RIPOR1: variants seen among roughly 807,000 people sequenced by gnomAD.
The protein encoded by RIPOR1 is rho family-interacting cell polarization regulator 1.
A neutral mutation model predicts 116.5 loss-of-function variants in RIPOR1; 58 were observed. That is an observed-to-expected ratio of 0.50 (90% CI 0.40 to 0.62). The LOEUF is 0.62. Ranked by LOEUF, RIPOR1 falls within the 20% of genes least tolerant of loss-of-function variation. The pLI, the probability that RIPOR1 is intolerant of heterozygous loss-of-function variation, is 0.00. For missense variants in RIPOR1, 1,372 were observed against 1,586.2 expected, an observed-to-expected ratio of 0.86 and a Z score of 2.29; for synonymous variants, 605 against 650.0, an observed-to-expected ratio of 0.93 and a Z score of 1.05.
Position 67,537,333 on chromosome 16 carries a change from C to T in RIPOR1, c.-23-1091C>T. 1 of 1,195,860 alleles carries T rather than the reference C, an allele frequency of 8.4e-7. No individual in the cohort carries two copies. The highest frequency in any genetic ancestry group is 1.0e-6 in the Non-Finnish European group (1 of 956,950). The allele number at this position is 1,195,860 out of a possible 1,614,324, so 74.1% of individuals were successfully genotyped here. A position where few individuals can be genotyped will look rare whatever the true frequency, so the allele number is the denominator to read the frequency against. ...ATCCCTTTACGCACATTGCTGACCCCAGCTGAGCAGACCCCTCGCCCCCCG... is the reference window on the plus strand; with the variant it reads ...ATCCCTTTACGCACATTGCTGACCCTAGCTGAGCAGACCCCTCGCCCCCCG... On this transcript the variant is annotated intron_variant, in intron 1 of 21. Transcript: ENST00000042381. The surrounding 1 kb of genome is among the most constrained non-coding windows in gnomAD (Gnocchi z 4.6).
In RIPOR1 at chr16:67,546,011, C is replaced by T. The variant is rs2051154283; in HGVS notation, c.3450C>T (p.Cys1150=). 6.2e-7 allele frequency: 1 copy of T among 1,613,358 alleles called. No individual in the cohort carries two copies. Among genetic ancestry groups the T allele is most frequent in the Admixed American group, 1.7e-5 (1 of 60,010 alleles). ...DEDVQTRVAG[C]LALGCIKAPE... ...ACGTGCAGACTCGAGTGGCTGGCTG[C>T]CTGGCCCTAGGCTGCATCAAGGTGA... is the stretch of plus-strand genomic sequence containing the variant. Residue 1150 remains cysteine (C), a synonymous_variant, in exon 20 of 22, where the codon TGC becomes TGT. Transcript: ENST00000042381.
intron 1 of RIPOR1, among the ~76,000 whole-genome samples, chr16:67,520,397 A>AAAGG (rs773515982): frequency 2.1e-5 from 3 of 143,342 alleles, no homozygotes; most frequent in South Asian, 2.1e-4. Context: ...AAAGAAAAGA[A>AAAGG]AAGGAAGGAA....
At position 67,530,032 on chromosome 16, in the gene RIPOR1, C is replaced by T. The variant is rs2050614369; in HGVS notation, c.-24+1118C>T. The T allele has an allele frequency of 1.6e-6, 1 of 639,218 alleles. No homozygotes were observed. Among genetic ancestry groups the T allele is most frequent in the Non-Finnish European group, 2.8e-6 (1 of 352,822 alleles). The allele number at this position is 639,218 out of a possible 1,614,324, so 39.6% of individuals were successfully genotyped here. On this transcript the variant is annotated intron_variant, in intron 1 of 21. Coordinates refer to ENST00000042381, the MANE Select transcript of RIPOR1 (RefSeq NM_024519.4). This position sits in a 1 kb window ranked among gnomAD's most constrained non-coding sequence, Gnocchi z 4.5. ...ACAAGGAGGACTGGCATAGCTCCTTCTTCCACCGCCCTCTCCGGCTTGGGT... is the reference window on the plus strand; with the variant it reads ...ACAAGGAGGACTGGCATAGCTCCTTTTTCCACCGCCCTCTCCGGCTTGGGT...
Position 67,541,258 on chromosome 16 carries a change from C to A in RIPOR1, c.802-172C>A. ...ATTTTTTTTTTTTTTTTTTTTGAGA[C>A]AGAGTCTTGCCATGTTGCCCAAGCT... On this transcript the variant is annotated intron_variant, in intron 10 of 21. Coordinates refer to ENST00000042381, the MANE Select transcript of RIPOR1 (RefSeq NM_024519.4). The surrounding 1 kb of genome is among the most constrained non-coding windows in gnomAD (Gnocchi z 4.6). The A allele has an allele frequency of 7.9e-5, 38 of 481,278 alleles. No homozygotes were observed. Among genetic ancestry groups the A allele is most frequent in the Non-Finnish European group, 1.0e-4 (28 of 279,994 alleles). 29.8% of individuals were successfully genotyped at this position (481,278 alleles called of 1,614,324 possible).
Position 67,544,879 on chromosome 16 carries a change from C to A in RIPOR1, c.2869+49C>A, listed in dbSNP as rs778355306. The A allele has an allele frequency of 6.3e-7, 1 of 1,596,672 alleles. No homozygotes were observed. The highest frequency in any genetic ancestry group is 8.6e-7 in the Non-Finnish European group (1 of 1,168,382). On this transcript the variant is annotated intron_variant, in intron 16 of 21. Transcript: ENST00000042381. This position sits in a 1 kb window ranked among gnomAD's most constrained non-coding sequence, Gnocchi z 5.1. Reference sequence around the variant, plus strand: ...TCTGCCATCTGCCTTGAAGCTCCTACCTCAGCCTACTGCCATCTGCATGCT... The same window carrying A: ...TCTGCCATCTGCCTTGAAGCTCCTAACTCAGCCTACTGCCATCTGCATGCT...
At chr16:67,534,430 A>C (rs2142466892) in intron 1 of RIPOR1, among the ~76,000 whole-genome samples, 1 of 152,316 alleles carries the variant, frequency 6.6e-6, no homozygotes, top group South Asian at 2.1e-4. Flanking sequence ...ACATTTTGTA[A>C]TTATTTACAA....
chr16:67,541,236 T>A lies in RIPOR1; in HGVS notation c.802-194T>A. The A allele has an allele frequency of 1.1e-4, 39 of 368,244 alleles. No individual in the cohort carries two copies. Among genetic ancestry groups the A allele is most frequent in the Non-Finnish European group, 1.6e-4 (34 of 214,440 alleles). 22.8% of individuals were successfully genotyped at this position (368,244 alleles called of 1,614,324 possible). ...GCACCACCATGCCTGGCTAAAAATT[T>A]TTTTTTTTTTTTTTTTTGAGACAGA... On this transcript the variant is annotated intron_variant, in intron 10 of 21. Transcript: ENST00000042381. This position sits in a 1 kb window ranked among gnomAD's most constrained non-coding sequence, Gnocchi z 4.6.
In RIPOR1 at chr16:67,529,850, GC is replaced by G; in HGVS notation, c.-24+939del. 1 of 1,528,660 alleles carries G rather than the reference GC, an allele frequency of 6.5e-7. No homozygotes were observed. Among genetic ancestry groups the G allele is most frequent in the Non-Finnish European group, 8.8e-7 (1 of 1,140,076 alleles). The allele number at this position is 1,528,660 out of a possible 1,614,324, so 94.7% of individuals were successfully genotyped here. ...GACCATCTGGCAGATGCAGAAACAG[GC>G]CCAGAGAGGTTAGTAGTATTCTCAA... is the stretch of plus-strand genomic sequence containing the variant. On this transcript the variant is annotated intron_variant, in intron 1 of 21. Coordinates refer to ENST00000042381, the MANE Select transcript of RIPOR1 (RefSeq NM_024519.4). The surrounding 1 kb of genome is among the most constrained non-coding windows in gnomAD (Gnocchi z 4.1).
chr16:67,519,967 C>G (rs1475630900), intron 1 of RIPOR1, among the ~76,000 whole-genome samples: 2 of 143,764 alleles, frequency 1.4e-5, no homozygotes, highest in African/African-American at 5.2e-5. Context: ...GAGGCTGAGG[C>G]AGAAGAATTG....
Position 67,529,787 on chromosome 16 carries a change from C to T in RIPOR1, c.-24+873C>T. 1 of 1,535,678 alleles carries T rather than the reference C, an allele frequency of 6.5e-7. No individual in the cohort carries two copies. Among genetic ancestry groups the T allele is most frequent in the South Asian group, 1.2e-5 (1 of 84,022 alleles). ...TCTGCGGGGCCGCGCCCTGGGCCTG[C>T]CGCATTCGGCCAACGCACAGCATCT... is the stretch of plus-strand genomic sequence containing the variant. On this transcript the variant is annotated intron_variant, in intron 1 of 21. Transcript: ENST00000042381. This position sits in a 1 kb window ranked among gnomAD's most constrained non-coding sequence, Gnocchi z 4.1.
chr16:67,538,913 C>T, intron 3 of RIPOR1, 77 bp from the exon 4 acceptor site: 1 of 1,608,626 alleles, frequency 6.2e-7, no homozygotes, highest in Non-Finnish European at 8.5e-7. Flanking sequence ...GCCCCATGCC[C>T]TCTCCCTGCT....
chr16:67,542,636 A>G lies in RIPOR1; in HGVS notation c.1850A>G (p.His617Arg), dbSNP rs1283288767. ...ACCCATACCACAGCAAGCCCCACTC[A>G]TACTTCCACAAGCCCCACCCATACC... ...SPTHTTASPT[H>R]TSTSPTHTPT... The change falls in exon 13 of 22, where the codon CAT becomes CGT. Residue 617 changes from histidine (H) to arginine (R), a missense_variant. His to Arg is a conservative substitution (Grantham distance 29). Transcript: ENST00000042381. The surrounding 1 kb of genome is among the most constrained non-coding windows in gnomAD (Gnocchi z 4.6). 1 of 1,611,818 alleles carries G rather than the reference A, an allele frequency of 6.2e-7. No homozygotes were observed. The highest frequency in any genetic ancestry group is 1.7e-5 in the Admixed American group (1 of 59,848).
At position 67,546,553 on chromosome 16, in the gene RIPOR1, T is replaced by G; in HGVS notation, c.*90T>G. The stretch of plus-strand genomic sequence containing the variant: ...AGGGAGGGTAAGGGCTGGCTCCAGA[T>G]ACCCCTCCCCCACAGATTCCTAGCA... On this transcript the variant is annotated 3_prime_UTR_variant, in exon 22 of 22. Coordinates refer to ENST00000042381, the MANE Select transcript of RIPOR1 (RefSeq NM_024519.4). 3.1e-6 allele frequency: 3 copies of G among 959,662 alleles called. No individual in the cohort carries two copies. Among genetic ancestry groups the G allele is most frequent in the Non-Finnish European group, 4.9e-6 (3 of 615,122 alleles). The allele number at this position is 959,662 out of a possible 1,614,324, so 59.4% of individuals were successfully genotyped here.
rs371323659 is a variant in RIPOR1 at position 67,538,477 on chromosome 16, C to A, written c.31C>A (p.Arg11Ser). The A allele has an allele frequency of 5.6e-6, 9 of 1,610,824 alleles. No individual in the cohort carries two copies. Among genetic ancestry groups the A allele is most frequent in the Non-Finnish European group, 7.6e-6 (9 of 1,178,964 alleles). MMSLSVRPQR[R>S]LLSARVNRSQ... ...GTCCCTGTCGGTGCGGCCGCAGCGC[C>A]GTCTGCTCAGCGCCCGGGTCAATAG... The change falls in exon 2 of 22, where the codon CGT (arginine) becomes AGT (serine). Residue 11 changes from arginine (R) to serine (S), a missense_variant. Around this residue, in one of 3 missense-constraint regions of RIPOR1, gnomAD observed 165 missense variants for 145.5 expected, o/e 1.13. Coordinates refer to ENST00000042381, the MANE Select transcript of RIPOR1 (RefSeq NM_024519.4).
chr16:67,541,873 C>T lies in RIPOR1; in HGVS notation c.1087C>T (p.Leu363=), dbSNP rs771216539. 1 of 1,609,566 alleles carries T rather than the reference C, an allele frequency of 6.2e-7. No homozygotes were observed. Among genetic ancestry groups the T allele is most frequent in the Admixed American group, 1.7e-5 (1 of 59,794 alleles). Reference sequence around the variant, plus strand: ...GCCCTCTCCTCTTTCTCAGAACATGCTGCGACGGCAGGAGGAGCTGGAGAA... The same window carrying T: ...GCCCTCTCCTCTTTCTCAGAACATGTTGCGACGGCAGGAGGAGCTGGAGAA... ...SLREQAFYNM[L]RRQEELENGT... The change falls in exon 13 of 22, where the codon CTG becomes TTG. Residue 363 remains leucine, a synonymous_variant. Transcript: ENST00000042381. The surrounding 1 kb of genome is among the most constrained non-coding windows in gnomAD (Gnocchi z 4.6).
chr16:67,539,753 T>C lies in RIPOR1; in HGVS notation c.360+2T>C, dbSNP rs2050915398. 1 of 1,613,972 alleles carries C rather than the reference T, an allele frequency of 6.2e-7. No homozygotes were observed. On this transcript the variant is annotated splice_donor_variant, in intron 5 of 21. Coordinates refer to ENST00000042381, the MANE Select transcript of RIPOR1 (RefSeq NM_024519.4). LOFTEE classifies it high-confidence loss of function. Reference sequence around the variant, plus strand: ...GGCTTCCTGTATGATCTGGACAAGGTGAGTATGCATGGAATGGTACTGGAA... The same window carrying C: ...GGCTTCCTGTATGATCTGGACAAGGCGAGTATGCATGGAATGGTACTGGAA...
intron 1 of RIPOR1, among the ~76,000 whole-genome samples, chr16:67,536,717 A>G (rs937422274): frequency 6.6e-6 from 1 of 152,104 alleles, no homozygotes; most frequent in African/African-American, 2.4e-5. Flanking sequence ...GCGCAGCAGC[A>G]CACACTATGG....
intron 1 of RIPOR1, among the ~76,000 whole-genome samples, chr16:67,520,442 G>T (rs532369165): frequency 6.0e-5 from 9 of 149,504 alleles, no homozygotes; most frequent in South Asian, 2.1e-4. Flanking sequence ...GAAGATAAGA[G>T]AAGAGAAGAG....
At position 67,542,872 on chromosome 16, in the gene RIPOR1, C is replaced by T. The variant is rs765436010; in HGVS notation, c.2086C>T (p.Pro696Ser). 2.5e-6 allele frequency: 4 copies of T among 1,613,458 alleles called. No homozygotes were observed. The highest frequency in any genetic ancestry group is 3.4e-6 in the Non-Finnish European group (4 of 1,179,652). Residue 696 changes from proline (P) to serine (S), a missense_variant, in exon 13 of 22, where the codon CCC (proline) becomes TCC (serine). Around this residue, in one of 3 missense-constraint regions of RIPOR1, gnomAD observed 1,005 missense variants for 1,144.7 expected, o/e 0.88. Transcript: ENST00000042381. The surrounding 1 kb of genome is among the most constrained non-coding windows in gnomAD (Gnocchi z 4.6). ...CTCCAGCCCCTCCAAACACTCAGAC[C>T]CCACCCTCCCAGGCACTGACTCCCT... ...TLSSPSKHSDPTLPGTDSLPC... is the reference protein window; with the variant it reads ...TLSSPSKHSDSTLPGTDSLPC...
Sources: gnomAD v4.1 joint callset for allele counts (sites outside exome capture counted in the v4.1 genomes callset) on GRCh38, gnomAD v4.1.1 for gene constraint, gnomAD v4.1.1 regional missense constraint, Gnocchi (gnomAD v3.1) non-coding constraint, MANE v1.5 for transcripts, NCBI Gene and HGNC (gene_info 2026-07-23, HGNC 2026-07-21) for gene names.